HYCC1: variants seen among roughly 807,000 people sequenced by gnomAD.
HYCC1 encodes hyccin.
chr7:22,952,302 C>T, the HYCC1 span, among the ~76,000 whole-genome samples: 1 of 151,892 alleles, frequency 6.6e-6, no homozygotes, highest in African/African-American at 2.4e-5. Context: ...TCTGGGAAAA[C>T]CTCTTTGAAG....
the HYCC1 span, chr7:23,013,998 C>T: frequency 2.1e-6 from 1 of 471,170 alleles, no homozygotes; most frequent in South Asian, 1.5e-5. Context: ...GGAGGCTGCT[C>T]TGCTTCCTCC....
the HYCC1 span, among the ~76,000 whole-genome samples, chr7:22,980,587 T>C: frequency 2.0e-5 from 3 of 152,200 alleles, no homozygotes; most frequent in South Asian, 4.1e-4. Flanking sequence ...TGTTCTTTAA[T>C]GACTAAGCAG....
At chr7:22,923,995 G>GA in the HYCC1 span, among the ~76,000 whole-genome samples, 38,387 of 114,200 alleles carry the variant, frequency 0.34, 6,294 homozygotes, top group East Asian at 0.39. Flanking sequence ...TGACTTTAAT[G>GA]AAAAAAAAAA....
chr7:22,900,019 T>C, the HYCC1 span, among the ~76,000 whole-genome samples: 3 of 152,318 alleles, frequency 2.0e-5, no homozygotes, highest in East Asian at 5.8e-4. Flanking sequence ...TTGTAGATAA[T>C]AAACATTGTC....
chr7:22,973,779 TAAAATTGGTATATTAGC>T, the HYCC1 span, among the ~76,000 whole-genome samples: 1 of 152,162 alleles, frequency 6.6e-6, no homozygotes, highest in Non-Finnish European at 1.5e-5. Flanking sequence ...CCTGGTCAGG[TAAAATTGGTATATTAGC>T]AATTTTCTAC....
chr7:22,938,510 G>C, the HYCC1 span: 20 of 152,206 alleles, frequency 1.3e-4, no homozygotes, highest in Non-Finnish European at 2.6e-4. Context: ...TTATTAACAG[G>C]TCATCTGATA....
chr7:22,944,866 A>G, the HYCC1 span: 1 of 152,500 alleles, frequency 6.6e-6, no homozygotes, highest in Admixed American at 6.6e-5. Flanking sequence ...CAACACACCT[A>G]CCAGCAATCT....
chr7:22,926,696 A>T, the HYCC1 span, among the ~76,000 whole-genome samples: 1 of 151,316 alleles, frequency 6.6e-6, no homozygotes, highest in Non-Finnish European at 1.5e-5. Context: ...GTCCCGAGTG[A>T]CCTACAAAGA....
the HYCC1 span, among the ~76,000 whole-genome samples, chr7:22,930,645 G>GA: frequency 7.9e-5 from 12 of 151,808 alleles, no homozygotes; most frequent in African/African-American, 1.7e-4. Flanking sequence ...CACAAGGCCA[G>GA]AAAAAACATC....
the HYCC1 span, among the ~76,000 whole-genome samples, chr7:22,989,778 C>T: frequency 2.3e-3 from 355 of 152,266 alleles, 8 homozygotes; most frequent in East Asian, 2.9e-3. Flanking sequence ...AAGTAAAAGT[C>T]TGCCCAGCTA....
the HYCC1 span, among the ~76,000 whole-genome samples, chr7:22,916,356 T>C: frequency 6.6e-6 from 1 of 152,016 alleles, no homozygotes; most frequent in Non-Finnish European, 1.5e-5. Context: ...TAGATAAACC[T>C]AGCTGACCCC....
At chr7:22,907,059 C>T in the HYCC1 span, among the ~76,000 whole-genome samples, 2 of 135,900 alleles carry the variant, frequency 1.5e-5, no homozygotes, top group African/African-American at 5.6e-5. Flanking sequence ...AAGCCGAGAT[C>T]GTGCCACTGC....
the HYCC1 span, among the ~76,000 whole-genome samples, chr7:23,006,993 G>GA: frequency 6.6e-6 from 1 of 152,228 alleles, no homozygotes; most frequent in African/African-American, 2.4e-5. Flanking sequence ...AATTGATCTT[G>GA]AACACTCAAC....
At chr7:22,968,029 T>C in the HYCC1 span, among the ~76,000 whole-genome samples, 2 of 152,330 alleles carry the variant, frequency 1.3e-5, no homozygotes, top group South Asian at 4.1e-4. Context: ...ATGGTGAGTC[T>C]GCTAATAAAA....
At chr7:22,957,206 C>T in the HYCC1 span, among the ~76,000 whole-genome samples, 591 of 151,220 alleles carry the variant, frequency 3.9e-3, 24 homozygotes, top group East Asian at 0.11. Context: ...ATGTATTTGT[C>T]GGCTGTGTAA....
chr7:22,985,049 C>T, the HYCC1 span, among the ~76,000 whole-genome samples: 1 of 152,112 alleles, frequency 6.6e-6, no homozygotes, highest in Non-Finnish European at 1.5e-5. Context: ...CTGGAGCACA[C>T]CCCCTCCTCA....
At chr7:22,911,060 C>T in the HYCC1 span, among the ~76,000 whole-genome samples, 1 of 152,100 alleles carries the variant, frequency 6.6e-6, no homozygotes, top group Non-Finnish European at 1.5e-5. Context: ...CATGGCAAGA[C>T]TAAAGTAATA....
At chr7:22,987,431 C>T in the HYCC1 span, among the ~76,000 whole-genome samples, 1 of 152,198 alleles carries the variant, frequency 6.6e-6, no homozygotes, top group Admixed American at 6.5e-5. Context: ...ACCTGTAATC[C>T]CAGCTACTCA....
the HYCC1 span, among the ~76,000 whole-genome samples, chr7:22,902,544 AC>A: frequency 1.3e-5 from 2 of 152,138 alleles, no homozygotes; most frequent in South Asian, 4.1e-4. Context: ...GCCCTGAGCT[AC>A]AGTAACAAAC....
Sources: gnomAD v4.1 joint callset for allele counts (sites outside exome capture counted in the v4.1 genomes callset) on GRCh38, gnomAD v4.1.1 for gene constraint, MANE v1.5 for transcripts, NCBI Gene and HGNC (gene_info 2026-07-23, HGNC 2026-07-21) for gene names.